DOCK7: variants seen among roughly 807,000 people sequenced by gnomAD.
DOCK7 encodes dedicator of cytokinesis 7.
DOCK7 carries 138 observed loss-of-function variants against 271.0 expected under a neutral mutation model. The ratio of observed to expected loss-of-function variants is 0.51; its 90% CI spans 0.44 to 0.59. The LOEUF is 0.59. Among genes scored for constraint, DOCK7 ranks in the 20% least tolerant of loss-of-function variants. The pLI, the probability that DOCK7 is intolerant of heterozygous loss-of-function variation, is 0.00. For missense variants in DOCK7, 2,066 were observed against 2,592.4 expected (o/e 0.80, Z 4.41); for synonymous variants, 823 against 876.1 (o/e 0.94, Z 1.07).
chr1:62,659,114 G>C (rs1361368048), intron 2 of DOCK7, among the ~76,000 whole-genome samples: 1 of 152,042 alleles, frequency 6.6e-6, no homozygotes, highest in Non-Finnish European at 1.5e-5. Flanking sequence ...TATAATAAAA[G>C]GTATCTGGAA....
At chr1:62,592,140 C>T (rs890364465) in intron 14 of DOCK7, among the ~76,000 whole-genome samples, 2 of 152,118 alleles carry the variant, frequency 1.3e-5, no homozygotes, top group African/African-American at 4.8e-5. Flanking sequence ...AGTTCCGAAT[C>T]CAAATTCTTT....
intron 29 of DOCK7, among the ~76,000 whole-genome samples, chr1:62,533,426 G>A (rs1196942462): frequency 8.5e-6 from 1 of 117,524 alleles, no homozygotes; most frequent in African/African-American, 2.7e-5. Context: ...CCAAATAACA[G>A]ATTCCTTTAT....
chr1:62,461,081 TAAA>T (rs1171146521), intron 48 of DOCK7: 1 of 152,154 alleles, frequency 6.6e-6, no homozygotes, highest in Non-Finnish European at 1.5e-5. Flanking sequence ...CCTGTCATAT[TAAA>T]AACTCTTTGC....
intron 12 of DOCK7, among the ~76,000 whole-genome samples, chr1:62,624,396 T>C (rs989542676): frequency 2.6e-5 from 4 of 152,090 alleles, no homozygotes; most frequent in Admixed American, 1.3e-4. Context: ...ATTGGAAAAA[T>C]ACAGATTTGA....
chr1:62,521,726 A>T (rs989675685), intron 31 of DOCK7, among the ~76,000 whole-genome samples: 10 of 152,248 alleles, frequency 6.6e-5, no homozygotes, highest in African/African-American at 2.4e-4. Flanking sequence ...CTGTAATCCC[A>T]GCACTTTGGG....
intron 29 of DOCK7, among the ~76,000 whole-genome samples, chr1:62,535,201 ATAATT>A (rs1645302491): frequency 2.0e-5 from 3 of 152,360 alleles, no homozygotes; most frequent in African/African-American, 7.2e-5. Context: ...ACTAATATGC[ATAATT>A]TATTTTATAT....
intron 22 of DOCK7, among the ~76,000 whole-genome samples, chr1:62,550,142 C>T (rs1054106085): frequency 1.7e-4 from 26 of 151,948 alleles, no homozygotes; most frequent in African/African-American, 3.1e-4. Flanking sequence ...AATAGCATGC[C>T]TATATGTGAA....
At chr1:62,456,679 T>C (rs61501887) in intron 49 of DOCK7, among the ~76,000 whole-genome samples, 5,684 of 152,166 alleles carry the variant, frequency 0.037, 257 homozygotes, top group African/African-American at 0.11. Context: ...AATACAGCCT[T>C]TCCATGGAAA....
At chr1:62,633,128 T>C (rs911390905) in intron 10 of DOCK7, among the ~76,000 whole-genome samples, 2 of 152,174 alleles carry the variant, frequency 1.3e-5, no homozygotes, top group African/African-American at 4.8e-5. Context: ...GGAAAAGTTC[T>C]GTCAATATCA....
At chr1:62,655,190 T>TTTATCTGG (rs1409079289) in intron 2 of DOCK7, among the ~76,000 whole-genome samples, 1 of 152,168 alleles carries the variant, frequency 6.6e-6, no homozygotes, top group African/African-American at 2.4e-5. Context: ...CCAGATACTT[T>TTTATCTGG]TTAATAAAAT....
intron 14 of DOCK7, among the ~76,000 whole-genome samples, chr1:62,588,922 T>A (rs1326963524): frequency 6.6e-6 from 1 of 151,994 alleles, no homozygotes; most frequent in Admixed American, 6.6e-5. Context: ...TCTATTTTTT[T>A]GTAGAGATGG....
At chr1:62,667,443 C>T (rs747457165) in intron 1 of DOCK7, among the ~76,000 whole-genome samples, 7 of 152,180 alleles carry the variant, frequency 4.6e-5, no homozygotes, top group Non-Finnish European at 7.3e-5. Context: ...GCTGACACTG[C>T]AGTAGTGTAA....
At chr1:62,487,298 A>G (rs2149282130) in intron 43 of DOCK7, 100 bp downstream of exon 43, 12 of 1,180,742 alleles carry the variant, frequency 1.0e-5, no homozygotes, top group Non-Finnish European at 1.5e-5. Flanking sequence ...GCAGATAGCA[A>G]CAGAATGCCC....
chr1:62,499,338 T>C (rs1646713141), intron 37 of DOCK7, among the ~76,000 whole-genome samples: 1 of 152,130 alleles, frequency 6.6e-6, no homozygotes. Flanking sequence ...GAGATAGCAA[T>C]TTCCCACTTC....
chr1:62,598,123 A>G, intron 14 of DOCK7: 1 of 1,439,790 alleles, frequency 6.9e-7, no homozygotes, highest in Non-Finnish European at 9.3e-7. Context: ...TAAAAAAAAT[A>G]TTTCTAAGGC....
intron 18 of DOCK7, among the ~76,000 whole-genome samples, chr1:62,562,652 C>T (rs749172708): frequency 3.3e-5 from 5 of 151,978 alleles, no homozygotes; most frequent in Non-Finnish European, 7.4e-5. Context: ...TATAAATGAA[C>T]ATAAAGACTG....
At chr1:62,501,618 A>T (rs978140293) in intron 37 of DOCK7, among the ~76,000 whole-genome samples, 3 of 152,122 alleles carry the variant, frequency 2.0e-5, no homozygotes, top group African/African-American at 7.2e-5. Flanking sequence ...AGAGTTTCTC[A>T]ATATTTTTTT....
chr1:62,477,610 T>C (rs1320906360), intron 44 of DOCK7, 90 bp downstream of exon 44: 1 of 1,369,044 alleles, frequency 7.3e-7, no homozygotes, highest in African/African-American at 1.5e-5. Flanking sequence ...AGATCTGGCT[T>C]ACTAAATGAT....
At chr1:62,475,460 C>G in intron 46 of DOCK7, 109 bp from the exon 47 acceptor site, 1 of 1,309,518 alleles carries the variant, frequency 7.6e-7, no homozygotes, top group Non-Finnish European at 1.0e-6. Flanking sequence ...TGTAAACTTT[C>G]ATGTAACAAT....
Sources: gnomAD v4.1 joint callset for allele counts (sites outside exome capture counted in the v4.1 genomes callset) on GRCh38, gnomAD v4.1.1 for gene constraint, MANE v1.5 for transcripts, NCBI Gene and HGNC (gene_info 2026-07-23, HGNC 2026-07-21) for gene names.